SLC4A7: variants seen among roughly 807,000 people sequenced by gnomAD.
SLC4A7 encodes the protein sodium bicarbonate cotransporter 3.
SLC4A7 carries 51 observed loss-of-function variants against 137.6 expected under a neutral mutation model. The ratio of observed to expected loss-of-function variants is 0.37; its 90% CI spans 0.30 to 0.47. The LOEUF (loss-of-function observed/expected upper bound fraction) is 0.47. Among genes scored for constraint, SLC4A7 ranks in the 20% least tolerant of loss-of-function variants. The pLI, the probability that SLC4A7 is intolerant of heterozygous loss-of-function variation, is 1.00. For missense variants in SLC4A7, 1,247 were observed against 1,525.4 expected (o/e 0.82, Z 3.04); for synonymous variants, 542 against 518.6 (o/e 1.05, Z -0.61).
chr3:27,438,803 A>C (rs2056965379), intron 3 of SLC4A7, among the ~76,000 whole-genome samples: 1 of 152,214 alleles, frequency 6.6e-6, no homozygotes, highest in South Asian at 2.1e-4. Context: ...AAGTTCCAAA[A>C]AATGATGAGA....
In SLC4A7 at chr3:27,377,687, C is replaced by A. The variant is rs1035111820; in HGVS notation, c.3699-842G>T. 3.9e-5 allele frequency among the ~76,000 whole-genome samples: 6 copies of A among 152,318 alleles called. No homozygotes were observed. In the East Asian group the frequency reaches 1.2e-3, roughly 29 times the overall value. The stretch of plus-strand genomic sequence containing the variant: ...GGATTACAGGCCTGAACCACTGCAC[C>A]CGGCCAACCTATTCTATATTTTCAA... On this transcript the variant is annotated intron_variant, in intron 25 of 25. Coordinates refer to ENST00000454389, the MANE Select transcript of SLC4A7 (RefSeq NM_001321103.2).
Position 27,452,466 on chromosome 3 carries a change from G to A in SLC4A7, c.93C>T (p.Gly31=). The part of the protein sequence containing the change: ...GPDEEAVVDL[G]KTSSTVNTKF... ...TGGTGTTCACAGTTGAGCTAGTTTT[G>A]CCAAGATCCACAACAGCTTCTTCAT... Residue 31 remains glycine (G), a synonymous_variant, in exon 2 of 26, where the codon GGC becomes GGT. Transcript: ENST00000454389. 1 of 1,604,094 alleles carries A rather than the reference G, an allele frequency of 6.2e-7. No individual in the cohort carries two copies. The highest frequency in any genetic ancestry group is 8.5e-7 in the Non-Finnish European group (1 of 1,177,818).
chr3:27,456,089 A>G (rs531052849), intron 1 of SLC4A7, among the ~76,000 whole-genome samples: 11 of 152,338 alleles, frequency 7.2e-5, no homozygotes, highest in African/African-American at 2.4e-4. Context: ...ATTATCAAAA[A>G]TGACACTTAA....
At chr3:27,461,424 C>A (rs2058689719) in intron 1 of SLC4A7, among the ~76,000 whole-genome samples, 1 of 151,136 alleles carries the variant, frequency 6.6e-6, no homozygotes, top group Non-Finnish European at 1.5e-5. Flanking sequence ...CAAAACAAAA[C>A]AAACAAACAG....
chr3:27,377,290 T>C (rs1242104117), intron 25 of SLC4A7, among the ~76,000 whole-genome samples: 2 of 152,322 alleles, frequency 1.3e-5, no homozygotes, highest in East Asian at 3.9e-4. Context: ...ATTTGATTCA[T>C]AAATACAAAA....
rs2049761444 is a variant in SLC4A7, at chr3:27,374,388, T to G, written c.*2376A>C. ...ACTACTACTGCTTACATACACTTATTTAAGGCAACTTTATTTAAAAATCAA... is the reference window on the plus strand; with the variant it reads ...ACTACTACTGCTTACATACACTTATGTAAGGCAACTTTATTTAAAAATCAA... On this transcript the variant is annotated 3_prime_UTR_variant, in exon 26 of 26. Coordinates refer to ENST00000454389, the MANE Select transcript of SLC4A7 (RefSeq NM_001321103.2). The G allele has an allele frequency of 6.6e-6, 1 of 152,550 alleles. No homozygotes were observed. Among genetic ancestry groups the G allele is most frequent in the Non-Finnish European group, 1.5e-5 (1 of 67,934 alleles). The allele number at this position is 152,550 out of a possible 1,614,324, so 9.4% of individuals were successfully genotyped here.
In SLC4A7 at chr3:27,394,822, T is replaced by G. The variant is rs562260090; in HGVS notation, c.2866-53A>C. 4.1e-5 allele frequency: 64 copies of G among 1,579,128 alleles called. No individual in the cohort carries two copies. In the African/African-American group the frequency reaches 6.7e-4, roughly 16 times the overall value. On this transcript the variant is annotated intron_variant, in intron 19 of 25. Coordinates refer to ENST00000454389, the MANE Select transcript of SLC4A7 (RefSeq NM_001321103.2). Reference sequence around the variant, plus strand: ...TGTAAGTCTAAATGGTTCCCTCAATTTAAAATTCTACACGAATTATAAAGA... The same window carrying G: ...TGTAAGTCTAAATGGTTCCCTCAATGTAAAATTCTACACGAATTATAAAGA...
At chr3:27,394,899 A>G in intron 19 of SLC4A7, 55 bp downstream of exon 19, 1 of 1,544,142 alleles carries the variant, frequency 6.5e-7, no homozygotes. Context: ...ATCATTACAA[A>G]AACAGCTCAA....
intron 15 of SLC4A7, among the ~76,000 whole-genome samples, chr3:27,402,702 A>G (rs912820867): frequency 1.3e-5 from 2 of 151,262 alleles, no homozygotes; most frequent in Non-Finnish European, 3.0e-5. Context: ...CCGTCTCCAA[A>G]AAAAAAAAAT....
rs911459505 is a variant in SLC4A7 at position 27,389,957 on chromosome 3, C to G, written c.3334G>C (p.Ala1112Pro). The G allele has an allele frequency of 1.6e-5, 26 of 1,613,434 alleles. No individual in the cohort carries two copies. The Admixed American group carries it at 2.8e-4, about 18-fold the overall frequency. Residue 1112 changes from alanine to proline, a missense_variant, in exon 22 of 26, where the codon GCT (alanine) becomes CCT (proline). Ala to Pro is a conservative substitution (Grantham distance 27, BLOSUM62 -1). Transcript: ENST00000454389. ...LVLLWVIKVS[A>P]AAVVFPMMVL... ...ATCATGGGAAAAACCACTGCAGCAG[C>G]TGAAACTTTTATCACCCATAAAAGG... is the stretch of plus-strand genomic sequence containing the variant.
chr3:27,453,405 G>A (rs1048060878), intron 1 of SLC4A7, among the ~76,000 whole-genome samples: 15 of 152,080 alleles, frequency 9.9e-5, no homozygotes, highest in Admixed American at 2.6e-4. Context: ...ACCTGAGGTC[G>A]GAGTTCGAGA....
intron 1 of SLC4A7, among the ~76,000 whole-genome samples, chr3:27,470,613 T>C (rs1468295509): frequency 4.0e-5 from 6 of 148,550 alleles, no homozygotes; most frequent in Non-Finnish European, 8.9e-5. Flanking sequence ...AAAGGGTGGC[T>C]ACCTCATGGG....
chr3:27,436,651 GAAAT>G (rs1400577826), intron 4 of SLC4A7, 103 bp from the exon 5 acceptor site: 15 of 718,322 alleles, frequency 2.1e-5, no homozygotes, highest in South Asian at 1.9e-4. Flanking sequence ...AAAAAAAAAA[GAAAT>G]AAAGAAAACC....
At chr3:27,380,677 A>G (rs2050338062) in intron 24 of SLC4A7, among the ~76,000 whole-genome samples, 1 of 152,216 alleles carries the variant, frequency 6.6e-6, no homozygotes, top group African/African-American at 2.4e-5. Flanking sequence ...TGTTGTTTAC[A>G]AATTTAAGAT....
intron 18 of SLC4A7, among the ~76,000 whole-genome samples, chr3:27,395,800 T>C (rs1018042275): frequency 8.5e-5 from 13 of 152,252 alleles, no homozygotes; most frequent in African/African-American, 2.9e-4. Context: ...CATTTCCACA[T>C]GTTCCTGCAT....
At position 27,424,799 on chromosome 3, in the gene SLC4A7, G is replaced by A. The variant is rs141011777; in HGVS notation, c.1151-647C>T. On this transcript the variant is annotated intron_variant, in intron 7 of 25. Coordinates refer to ENST00000454389, the MANE Select transcript of SLC4A7 (RefSeq NM_001321103.2). ...AAGAGTTTTATAACCAAAGGGATCT[G>A]TGTTTAAATTATGCACTCTCTGCCA... Among the ~76,000 whole-genome samples, 531 of 152,264 alleles carry A rather than the reference G, an allele frequency of 3.5e-3. 1 individual carries two copies. The highest frequency in any genetic ancestry group is 0.012 in the African/African-American group (496 of 41,566).
At chr3:27,462,220 T>C (rs1448738745) in intron 1 of SLC4A7, among the ~76,000 whole-genome samples, 1 of 152,202 alleles carries the variant, frequency 6.6e-6, no homozygotes, top group Non-Finnish European at 1.5e-5. Flanking sequence ...CCCAAAACTT[T>C]GGAGAGTAAA....
At chr3:27,428,375 T>A (rs2055880684) in intron 7 of SLC4A7, 1 of 154,332 alleles carries the variant, frequency 6.5e-6, no homozygotes, top group African/African-American at 2.4e-5. Flanking sequence ...ATTAGAAATA[T>A]GGTATTTGAA....
intron 22 of SLC4A7, among the ~76,000 whole-genome samples, chr3:27,387,667 TAA>T (rs931969513): frequency 5.9e-5 from 9 of 152,182 alleles, no homozygotes; most frequent in Non-Finnish European, 1.2e-4. Flanking sequence ...TGTTCCCCAT[TAA>T]AGACAGTTAA....
Sources: gnomAD v4.1 joint callset for allele counts (sites outside exome capture counted in the v4.1 genomes callset) on GRCh38, gnomAD v4.1.1 for gene constraint, MANE v1.5 for transcripts, NCBI Gene and HGNC (gene_info 2026-07-23, HGNC 2026-07-21) for gene names.